Variants in MACROD2 observed in about 807,000 individuals in gnomAD.
MACROD2 encodes the protein ADP-ribose glycohydrolase MACROD2.
A neutral mutation model predicts 70.4 loss-of-function variants in MACROD2; 36 were observed. The ratio of observed to expected loss-of-function variants is 0.51; its 90% CI spans 0.39 to 0.68. The LOEUF (loss-of-function observed/expected upper bound fraction) is 0.68. MACROD2 is among the 30% of genes least tolerant of loss of function. The probability of loss-of-function intolerance (pLI) is 0.00; values close to 1 mark genes in which losing one functional copy is unlikely to be tolerated. For missense variants in MACROD2, 496 were observed against 538.4 expected, an observed-to-expected ratio of 0.92 and a Z score of 0.78; for synonymous variants, 172 against 178.8, an observed-to-expected ratio of 0.96 and a Z score of 0.30.
intron 4 of MACROD2, among the ~76,000 whole-genome samples, chr20:14,511,407 T>C (rs1251435517): frequency 6.6e-6 from 1 of 152,026 alleles, no homozygotes; most frequent in Non-Finnish European, 1.5e-5. Context: ...ACCTACTAAG[T>C]ACCCACAAGC....
intron 5 of MACROD2, among the ~76,000 whole-genome samples, chr20:14,851,910 G>A (rs1192891514): frequency 6.6e-6 from 1 of 152,136 alleles, no homozygotes; most frequent in Non-Finnish European, 1.5e-5. Context: ...TTGATGCTAG[G>A]GAGAAGCCAG....
chr20:15,617,099 C>A (rs1392679247), intron 8 of MACROD2, among the ~76,000 whole-genome samples: 2 of 152,116 alleles, frequency 1.3e-5, no homozygotes, highest in Non-Finnish European at 2.9e-5. Flanking sequence ...CGGAATAATC[C>A]CTGCTGCACT....
At chr20:15,681,482 C>A (rs1270798370) in intron 8 of MACROD2, among the ~76,000 whole-genome samples, 1 of 152,098 alleles carries the variant, frequency 6.6e-6, no homozygotes, top group Admixed American at 6.6e-5. Context: ...TGGTGAAGAC[C>A]AAATAAAATG....
In MACROD2 at chr20:14,230,741, C is replaced by T. The variant is rs1164082588; in HGVS notation, c.271+145013C>T. On this transcript the variant is annotated intron_variant, in intron 3 of 17. Transcript: ENST00000684519. ...TATAATTTGACCTCCTTTTACAAAT[C>T]ATGAATGTTCTTAATGGCATCTAGA... Among the ~76,000 whole-genome samples, 7 of 138,940 alleles carry T rather than the reference C, an allele frequency of 5.0e-5. 1 individual carries two copies. In the East Asian group the frequency reaches 1.6e-3, roughly 32 times the overall value. 91.2% of individuals were successfully genotyped at this position (138,940 alleles called of 152,430 possible). A position where few individuals can be genotyped will look rare whatever the true frequency, so the allele number is the denominator to read the frequency against.
At chr20:14,396,531 G>A (rs900832842) in intron 3 of MACROD2, among the ~76,000 whole-genome samples, 3 of 152,062 alleles carry the variant, frequency 2.0e-5, no homozygotes, top group African/African-American at 4.8e-5. Flanking sequence ...TCTTGTATTA[G>A]TGTTAGTATG....
intron 2 of MACROD2, among the ~76,000 whole-genome samples, chr20:14,035,735 A>G (rs564789894): frequency 6.6e-6 from 1 of 152,376 alleles, no homozygotes; most frequent in East Asian, 1.9e-4. Context: ...AGCCTATTCA[A>G]ACCTTTACAT....
At chr20:14,896,298 A>C (rs1312678778) in intron 5 of MACROD2, among the ~76,000 whole-genome samples, 4 of 152,220 alleles carry the variant, frequency 2.6e-5, no homozygotes, top group Non-Finnish European at 5.9e-5. Flanking sequence ...CTATCTCAAA[A>C]AAATAAATAA....
intron 12 of MACROD2, among the ~76,000 whole-genome samples, chr20:15,949,321 C>T (rs535095326): frequency 1.1e-4 from 17 of 152,272 alleles, no homozygotes; most frequent in Middle Eastern, 3.4e-3. Context: ...TATTTGCTGG[C>T]TTTAAAATCC....
intron 2 of MACROD2, among the ~76,000 whole-genome samples, chr20:14,028,194 G>T (rs1418877358): frequency 6.6e-6 from 1 of 152,194 alleles, no homozygotes; most frequent in Non-Finnish European, 1.5e-5. Flanking sequence ...TGAAGTTCCT[G>T]GCGCTTTGTT....
At chr20:14,606,803 A>G (rs1695336661) in intron 4 of MACROD2, among the ~76,000 whole-genome samples, 1 of 152,142 alleles carries the variant, frequency 6.6e-6, no homozygotes. Flanking sequence ...GCTTTTCATT[A>G]TTTGTTAGAG....
intron 5 of MACROD2, among the ~76,000 whole-genome samples, chr20:15,086,248 G>C (rs2075747894): frequency 6.6e-6 from 1 of 152,068 alleles, no homozygotes; most frequent in African/African-American, 2.4e-5. Context: ...TGCATTTCGT[G>C]GCTAACTTGC....
At chr20:14,082,943 C>T (rs1035179658) in intron 2 of MACROD2, among the ~76,000 whole-genome samples, 4 of 152,040 alleles carry the variant, frequency 2.6e-5, no homozygotes, top group African/African-American at 9.7e-5. Context: ...GAGTCCTTGT[C>T]ATTGGGTCAG....
At chr20:14,730,628 T>C (rs949038792) in intron 5 of MACROD2, among the ~76,000 whole-genome samples, 1 of 152,114 alleles carries the variant, frequency 6.6e-6, no homozygotes, top group African/African-American at 2.4e-5. Flanking sequence ...TTCTACGTTA[T>C]GCACTTCAAG....
chr20:14,609,473 C>A (rs1324778430), intron 4 of MACROD2, among the ~76,000 whole-genome samples: 2 of 152,052 alleles, frequency 1.3e-5, no homozygotes, highest in Admixed American at 1.3e-4. Flanking sequence ...ACTTAAAGGT[C>A]ACTTCTTTCC....
At chr20:14,821,240 G>T (rs114552882) in intron 5 of MACROD2, among the ~76,000 whole-genome samples, 3,575 of 152,040 alleles carry the variant, frequency 0.024, 151 homozygotes, top group African/African-American at 0.082. Context: ...GAGCATAATT[G>T]GGTTAATATC....
intron 5 of MACROD2, among the ~76,000 whole-genome samples, chr20:15,177,033 C>T (rs2076467517): frequency 2.0e-5 from 3 of 152,186 alleles, no homozygotes; most frequent in Admixed American, 2.0e-4. Context: ...AGCTGCCCAC[C>T]CTACTGCCAC....
chr20:14,789,460 A>ATTCTTTTTTTTTTT (rs1555830595), intron 5 of MACROD2, among the ~76,000 whole-genome samples: 1 of 48,326 alleles, frequency 2.1e-5, no homozygotes, highest in Non-Finnish European at 3.6e-5. Context: ...GGTAGTGCAA[A>ATTCTTTTTTTTTTT]TTTTTTTTTT....
At chr20:14,330,362 C>T (rs750789160) in intron 3 of MACROD2, among the ~76,000 whole-genome samples, 5 of 151,940 alleles carry the variant, frequency 3.3e-5, no homozygotes, top group Non-Finnish European at 7.4e-5. Context: ...ATGTAGGGAA[C>T]ATTTGAGTAT....
intron 5 of MACROD2, among the ~76,000 whole-genome samples, chr20:14,836,706 G>A (rs2073033710): frequency 6.6e-6 from 1 of 152,056 alleles, no homozygotes; most frequent in South Asian, 2.1e-4. Flanking sequence ...ATTAATTTAT[G>A]GGTAAGAGGT....
Sources: allele counts gnomAD v4.1 joint callset (sites outside exome capture counted in the v4.1 genomes callset), GRCh38; gene constraint gnomAD v4.1.1; transcripts MANE v1.5; gene names NCBI Gene and HGNC (gene_info 2026-07-23, HGNC 2026-07-21).